MACROD1: variants seen among roughly 807,000 people sequenced by gnomAD.
MACROD1 encodes mono-ADP ribosylhydrolase 1, also known as ADP-ribose glycohydrolase MACROD1.
Under a neutral mutation model 41.4 loss-of-function variants are expected in MACROD1, and 31 were observed. The observed-to-expected ratio is 0.75, with a 90% CI of 0.56 to 1.01. The LOEUF (loss-of-function observed/expected upper bound fraction) is 1.01. MACROD1 is among the 50% of genes least tolerant of loss of function. The probability of loss-of-function intolerance (pLI) is 0.00; values close to 1 mark genes in which losing one functional copy is unlikely to be tolerated. For missense variants in MACROD1, 473 were observed against 460.0 expected, an observed-to-expected ratio of 1.03 and a Z score of -0.26; for synonymous variants, 252 against 203.4, an observed-to-expected ratio of 1.24 and a Z score of -2.03.
intron 1 of MACROD1, among the ~76,000 whole-genome samples, chr11:64,162,988 G>A (rs781523268): frequency 1.6e-4 from 24 of 151,690 alleles, no homozygotes; most frequent in Non-Finnish European, 3.4e-4. Context: ...GGGCGTGATG[G>A]CACGCGTCTG....
chr11:64,076,718 G>A (rs939816497), intron 3 of MACROD1, among the ~76,000 whole-genome samples: 7 of 152,176 alleles, frequency 4.6e-5, no homozygotes, highest in Non-Finnish European at 8.8e-5. Flanking sequence ...TTCAGGAGCC[G>A]GAGGTTTGAT....
chr11:64,147,864 T>C (rs1191451442), intron 3 of MACROD1, among the ~76,000 whole-genome samples: 1 of 151,598 alleles, frequency 6.6e-6, no homozygotes, highest in African/African-American at 2.4e-5. Context: ...TGCCTCAGCC[T>C]CCTGAGTAGC....
intron 3 of MACROD1, among the ~76,000 whole-genome samples, chr11:64,088,875 C>T (rs1018392146): frequency 5.3e-5 from 8 of 151,996 alleles, no homozygotes; most frequent in African/African-American, 1.9e-4. Flanking sequence ...CAGGCGGAAT[C>T]GGGTGTATTG....
chr11:64,021,653 T>TG (rs1344606189), intron 3 of MACROD1, among the ~76,000 whole-genome samples: 3 of 151,484 alleles, frequency 2.0e-5, no homozygotes, highest in South Asian at 4.2e-4. Flanking sequence ...AGCCAGGAGT[T>TG]GGGGGGGTGG....
At chr11:64,000,891 C>T (rs1942813616) in intron 4 of MACROD1, among the ~76,000 whole-genome samples, 1 of 152,228 alleles carries the variant, frequency 6.6e-6, no homozygotes, top group Non-Finnish European at 1.5e-5. Flanking sequence ...ACCGAGGCCA[C>T]CTTGTTACAG....
rs1198535314 is a variant in MACROD1 at position 64,045,583 on chromosome 11, G to A, written c.518-30302C>T. Among the ~76,000 whole-genome samples, 7 of 152,278 alleles carry A rather than the reference G, an allele frequency of 4.6e-5. No individual in the cohort carries two copies. In the East Asian group the frequency reaches 7.7e-4, roughly 17 times the overall value. ...GGTAGGTAGGGGGTGAGGGTCTGCCGAGGGAGCAGCGGCGTTCAGCTGGGG... is the reference window on the plus strand; with the variant it reads ...GGTAGGTAGGGGGTGAGGGTCTGCCAAGGGAGCAGCGGCGTTCAGCTGGGG... On this transcript the variant is annotated intron_variant, in intron 3 of 10. Coordinates refer to ENST00000255681, the MANE Select transcript of MACROD1 (RefSeq NM_014067.4).
rs80031152 is a variant in MACROD1, at chr11:64,024,359, G to A, written c.518-9078C>T. Among the ~76,000 whole-genome samples the A allele has an allele frequency of 4.8e-3, 738 of 152,352 alleles. 6 individuals are homozygous for A. The highest frequency in any genetic ancestry group is 0.016 in the African/African-American group (680 of 41,584). On this transcript the variant is annotated intron_variant, in intron 3 of 10. Transcript: ENST00000255681. Reference sequence around the variant, plus strand: ...CATTTCGCCCTCCCCACAAGAGCCCGTTGAGGGGGTCCTATGATTTTTCCC... The same window carrying A: ...CATTTCGCCCTCCCCACAAGAGCCCATTGAGGGGGTCCTATGATTTTTCCC...
At chr11:64,112,825 C>T (rs1251792576) in intron 3 of MACROD1, among the ~76,000 whole-genome samples, 1 of 152,212 alleles carries the variant, frequency 6.6e-6, no homozygotes, top group East Asian at 1.9e-4. Flanking sequence ...AGGGCCTTAG[C>T]AGCCACCTTG....
chr11:64,108,359 G>C (rs1195055522), intron 3 of MACROD1, among the ~76,000 whole-genome samples: 1 of 151,814 alleles, frequency 6.6e-6, no homozygotes, highest in Admixed American at 6.6e-5. Flanking sequence ...CCCCACAGTA[G>C]GCTGAGCAGC....
At chr11:64,006,212 T>G (rs1351180498) in intron 4 of MACROD1, among the ~76,000 whole-genome samples, 1 of 152,232 alleles carries the variant, frequency 6.6e-6, no homozygotes, top group Admixed American at 6.5e-5. Flanking sequence ...TTGCGCTCTC[T>G]TCTCTCCCAG....
At chr11:64,149,050 C>G (rs1355982742) in intron 3 of MACROD1, 4 of 984,826 alleles carry the variant, frequency 4.1e-6, no homozygotes, top group Admixed American at 6.1e-5. Context: ...ACAAAAAGAT[C>G]CCAGGAGAAC....
chr11:64,010,878 A>G (rs936935094), intron 4 of MACROD1, among the ~76,000 whole-genome samples: 421 of 40,912 alleles, frequency 0.01, no homozygotes, highest in South Asian at 0.013. Context: ...TTGCTGGTGT[A>G]TTGTTTGGGG....
Position 64,117,996 on chromosome 11 carries a change from G to A in MACROD1, c.517+33243C>T, listed in dbSNP as rs140274429. 24 of 1,613,786 alleles carry A rather than the reference G, an allele frequency of 1.5e-5. No individual in the cohort carries two copies. Among genetic ancestry groups the A allele is most frequent in the Non-Finnish European group, 1.9e-5 (22 of 1,179,990 alleles). ...GGTCCTGGGGGCCATCTGCTGGTAC[G>A]TGCACCAGGCTGGCGAGCTGCTGAC... On this transcript the variant is annotated intron_variant, in intron 3 of 10. Transcript: ENST00000255681.
intron 3 of MACROD1, among the ~76,000 whole-genome samples, chr11:64,081,354 A>G (rs1455874321): frequency 1.3e-5 from 2 of 152,062 alleles, no homozygotes; most frequent in Admixed American, 6.5e-5. Flanking sequence ...ATGACCATGA[A>G]CTCGCATATC....
At chr11:64,012,844 C>G (rs1943034115) in intron 4 of MACROD1, among the ~76,000 whole-genome samples, 1 of 151,000 alleles carries the variant, frequency 6.6e-6, no homozygotes, top group Non-Finnish European at 1.5e-5. Flanking sequence ...CCCCTTGTTC[C>G]TTGTTTTTTG....
intron 4 of MACROD1, among the ~76,000 whole-genome samples, chr11:64,011,475 C>A (rs1321863567): frequency 1.3e-5 from 2 of 151,838 alleles, no homozygotes; most frequent in Non-Finnish European, 1.5e-5. Flanking sequence ...GTGTCCCTGG[C>A]TCCCAGGGCA....
At chr11:64,140,298 G>T (rs1199890920) in intron 3 of MACROD1, among the ~76,000 whole-genome samples, 1 of 152,252 alleles carries the variant, frequency 6.6e-6, no homozygotes. Context: ...GGCATGGACC[G>T]CCTTGCTGGC....
chr11:64,100,894 G>T (rs546715503), intron 3 of MACROD1, among the ~76,000 whole-genome samples: 2 of 152,250 alleles, frequency 1.3e-5, no homozygotes, highest in South Asian at 4.2e-4. Context: ...GTGGACTGAG[G>T]ACATACAAAG....
At chr11:64,077,876 G>C (rs1944232618) in intron 3 of MACROD1, among the ~76,000 whole-genome samples, 1 of 152,216 alleles carries the variant, frequency 6.6e-6, no homozygotes, top group Admixed American at 6.5e-5. Context: ...CCCCTGATTG[G>C]TGGCAACAGC....
Sources: gnomAD v4.1 joint callset for allele counts (sites outside exome capture counted in the v4.1 genomes callset) on GRCh38, gnomAD v4.1.1 for gene constraint, MANE v1.5 for transcripts, NCBI Gene and HGNC (gene_info 2026-07-23, HGNC 2026-07-21) for gene names.